ACBD6: variants seen among roughly 807,000 people sequenced by gnomAD.
ACBD6 encodes acyl-CoA-binding domain-containing protein 6.
ACBD6 carries 28 observed loss-of-function variants against 37.2 expected under a neutral mutation model. The observed-to-expected ratio is 0.75, with a 90% CI of 0.56 to 1.03. The LOEUF is 1.03. ACBD6 is among the 50% of genes least tolerant of loss of function. ACBD6 has a pLI of 0.00. For missense variants in ACBD6, 340 were observed against 337.4 expected, an observed-to-expected ratio of 1.01 and a Z score of -0.06; for synonymous variants, 113 against 126.8, an observed-to-expected ratio of 0.89 and a Z score of 0.73.
chr1:180,380,258 CA>C (rs1653589181), intron 6 of ACBD6, among the ~76,000 whole-genome samples: 2 of 130,942 alleles, frequency 1.5e-5, no homozygotes, highest in Non-Finnish European at 3.5e-5. Flanking sequence ...CAAAAACAAA[CA>C]AAAACAAAAA....
chr1:180,484,659 A>T (rs1173062930), intron 3 of ACBD6, among the ~76,000 whole-genome samples: 1 of 152,142 alleles, frequency 6.6e-6, no homozygotes, highest in Non-Finnish European at 1.5e-5. Flanking sequence ...GAGTAATATA[A>T]GTATTAATAC....
intron 3 of ACBD6, among the ~76,000 whole-genome samples, chr1:180,489,660 G>A (rs1433924883): frequency 2.6e-5 from 4 of 151,124 alleles, no homozygotes; most frequent in Non-Finnish European, 4.4e-5. Flanking sequence ...GAATCTGCAA[G>A]TCGTTTTTTT....
intron 7 of ACBD6, among the ~76,000 whole-genome samples, chr1:180,308,289 G>C (rs1241859639): frequency 6.6e-6 from 1 of 152,002 alleles, no homozygotes; most frequent in African/African-American, 2.4e-5. Context: ...GTTCCTCAAA[G>C]TCTAATACTG....
intron 6 of ACBD6, among the ~76,000 whole-genome samples, chr1:180,325,375 T>C (rs907294924): frequency 3.9e-5 from 6 of 152,198 alleles, no homozygotes; most frequent in African/African-American, 1.4e-4. Flanking sequence ...CATTCTTCAC[T>C]ATGTCAATTC....
intron 6 of ACBD6, among the ~76,000 whole-genome samples, chr1:180,318,121 C>T (rs112660036): frequency 0.14 from 20,533 of 143,820 alleles, 1,671 homozygotes; most frequent in Middle Eastern, 0.22. Flanking sequence ...GAGATAGCGC[C>T]ACTGCACTCC....
At chr1:180,310,693 A>G (rs1052608418) in intron 7 of ACBD6, among the ~76,000 whole-genome samples, 1 of 152,212 alleles carries the variant, frequency 6.6e-6, no homozygotes, top group Non-Finnish European at 1.5e-5. Context: ...AACCAGAATT[A>G]CTGGGTTGTA....
At chr1:180,410,251 C>T (rs1156655085) in intron 5 of ACBD6, among the ~76,000 whole-genome samples, 1 of 152,198 alleles carries the variant, frequency 6.6e-6, no homozygotes, top group Non-Finnish European at 1.5e-5. Flanking sequence ...GGTGAAGCAC[C>T]AAGTGCTGAT....
intron 6 of ACBD6, among the ~76,000 whole-genome samples, chr1:180,355,007 T>C (rs1652567689): frequency 1.3e-5 from 2 of 152,234 alleles, no homozygotes. Context: ...TTTGTATACC[T>C]TTCTGCATGC....
At chr1:180,283,147 C>T (rs1449805694) in intron 8 of ACBD6, among the ~76,000 whole-genome samples, 1 of 151,950 alleles carries the variant, frequency 6.6e-6, no homozygotes, top group Admixed American at 6.6e-5. Flanking sequence ...TTTAAAAGAG[C>T]CTTTTATTAC....
chr1:180,396,382 T>C (rs1002136519), intron 6 of ACBD6, among the ~76,000 whole-genome samples: 27 of 152,246 alleles, frequency 1.8e-4, no homozygotes, highest in African/African-American at 6.3e-4. Context: ...TTAATGACCT[T>C]GGATTTGGCA....
At chr1:180,353,765 C>A (rs1571398909) in intron 6 of ACBD6, among the ~76,000 whole-genome samples, 3 of 3,538 alleles carry the variant, frequency 8.5e-4, no homozygotes, top group Non-Finnish European at 1.0e-3. Context: ...AATTCAATGA[C>A]ATAAAACAGT....
intron 5 of ACBD6, among the ~76,000 whole-genome samples, chr1:180,411,408 T>C (rs551452865): frequency 1.3e-4 from 20 of 152,288 alleles, no homozygotes; most frequent in Middle Eastern, 3.4e-3. Flanking sequence ...ACTCAATCAA[T>C]GTAGCTATCT....
chr1:180,301,210 G>C (rs933786970), intron 7 of ACBD6, among the ~76,000 whole-genome samples: 3 of 152,146 alleles, frequency 2.0e-5, no homozygotes, highest in Admixed American at 2.0e-4. Flanking sequence ...ACTTTTTAAA[G>C]AGTACAAAAT....
chr1:180,271,685 C>G (rs541028230), exon 14 of ACBD6: 1 of 1,312,806 alleles, frequency 7.6e-7, no homozygotes, highest in Non-Finnish European at 1.1e-6. Context: ...CTGAGGCCCA[C>G]CTGGGGAGAG....
intron 3 of ACBD6, chr1:180,434,738 T>G: frequency 1.8e-6 from 1 of 547,628 alleles, no homozygotes; most frequent in East Asian, 3.3e-5. Flanking sequence ...AGGAATAGAG[T>G]AAAACTACCT....
intron 3 of ACBD6, among the ~76,000 whole-genome samples, chr1:180,470,979 A>C (rs1435762931): frequency 6.6e-6 from 1 of 152,220 alleles, no homozygotes; most frequent in African/African-American, 2.4e-5. Context: ...CTGTTTTCTA[A>C]AGTTTCAGAA....
chr1:180,443,462 A>C (rs967512513), intron 3 of ACBD6, among the ~76,000 whole-genome samples: 2 of 152,198 alleles, frequency 1.3e-5, no homozygotes. Context: ...TGGAACTGTC[A>C]ATATAGGATC....
At chr1:180,462,161 C>T (rs555335129) in intron 3 of ACBD6, among the ~76,000 whole-genome samples, 10 of 152,194 alleles carry the variant, frequency 6.6e-5, no homozygotes, top group East Asian at 1.9e-4. Flanking sequence ...TACTTGAACT[C>T]GGGAAGCAGA....
At chr1:180,403,304 A>G (rs1350599777) in intron 5 of ACBD6, among the ~76,000 whole-genome samples, 1 of 152,240 alleles carries the variant, frequency 6.6e-6, no homozygotes, top group Non-Finnish European at 1.5e-5. Flanking sequence ...AGTTCATCAA[A>G]TGTGTACTTA....
Sources: allele counts gnomAD v4.1 joint callset (sites outside exome capture counted in the v4.1 genomes callset), GRCh38; gene constraint gnomAD v4.1.1; transcripts MANE v1.5; gene names NCBI Gene and HGNC (gene_info 2026-07-23, HGNC 2026-07-21).